GRID2: variants seen among roughly 807,000 people sequenced by gnomAD.
The protein encoded by GRID2 is glutamate receptor ionotropic, delta-2.
In GRID2, 33 loss-of-function variants were observed where a neutral mutation model predicts 114.8. The ratio of observed to expected loss-of-function variants is 0.29; its 90% CI spans 0.22 to 0.38. GRID2 has a LOEUF of 0.38. Ranked by LOEUF, GRID2 falls within the 10% of genes least tolerant of loss-of-function variation. The pLI is 1.00. For synonymous variants in GRID2, 505 were observed against 449.9 expected (o/e 1.12, Z -1.55); for missense variants, 1,184 against 1,257.7 (o/e 0.94, Z 0.89).
At chr4:92,710,966 A>C (rs1735216886) in intron 2 of GRID2, among the ~76,000 whole-genome samples, 1 of 152,030 alleles carries the variant, frequency 6.6e-6, no homozygotes, top group African/African-American at 2.4e-5. Context: ...AAGGATAAAG[A>C]ATAAACCTTA....
At chr4:92,407,832 A>T (rs1038420696) in intron 1 of GRID2, among the ~76,000 whole-genome samples, 4 of 152,122 alleles carry the variant, frequency 2.6e-5, no homozygotes, top group Admixed American at 2.6e-4. Context: ...TCTGGGTGTT[A>T]GATCTTTGTC....
chr4:93,520,742 C>G (rs1730250239), intron 13 of GRID2, among the ~76,000 whole-genome samples: 1 of 152,138 alleles, frequency 6.6e-6, no homozygotes, highest in African/African-American at 2.4e-5. Flanking sequence ...CTAAATTTCT[C>G]ACATTCCTCC....
At chr4:93,573,419 G>A (rs2149583459) in intron 13 of GRID2, among the ~76,000 whole-genome samples, 3 of 152,274 alleles carry the variant, frequency 2.0e-5, no homozygotes, top group South Asian at 4.1e-4. Context: ...ACTGAAATTG[G>A]TCTAATGCAA....
In GRID2 at chr4:93,592,859, A is replaced by T. The variant is rs575089832; in HGVS notation, c.2194-33410A>T. ...TCTTTGTTGGCTTAAAGTCTGTTTC[A>T]TCAGAGACTAGGATTGCAACCCCTG... On this transcript the variant is annotated intron_variant, in intron 13 of 15. Transcript: ENST00000282020. Among the ~76,000 whole-genome samples the T allele has an allele frequency of 1.7e-4, 26 of 152,208 alleles. 1 individual carries two copies. Among genetic ancestry groups the T allele is most frequent in the Admixed American group, 8.5e-4 (13 of 15,288 alleles).
At chr4:93,674,879 A>T (rs543508766) in intron 14 of GRID2, among the ~76,000 whole-genome samples, 1 of 152,102 alleles carries the variant, frequency 6.6e-6, no homozygotes, top group East Asian at 1.9e-4. Flanking sequence ...CTCCCCAAAG[A>T]TTCTCAAAAA....
At chr4:92,634,877 G>A (rs76627802) in intron 2 of GRID2, among the ~76,000 whole-genome samples, 5,630 of 120,774 alleles carry the variant, frequency 0.047, 304 homozygotes, top group African/African-American at 0.14. Flanking sequence ...GAGAGAGAGA[G>A]AAAGAGAGAG....
intron 1 of GRID2, among the ~76,000 whole-genome samples, chr4:92,540,339 T>G (rs1338615240): frequency 1.3e-5 from 2 of 152,062 alleles, no homozygotes; most frequent in Non-Finnish European, 2.9e-5. Context: ...CAAAAGAAAC[T>G]ACCATCAGAG....
At chr4:93,323,970 A>T (rs1042560915) in intron 8 of GRID2, among the ~76,000 whole-genome samples, 52 of 152,136 alleles carry the variant, frequency 3.4e-4, no homozygotes, top group Admixed American at 5.2e-4. Flanking sequence ...GGTTTTCTAA[A>T]TGTACAATCA....
intron 14 of GRID2, among the ~76,000 whole-genome samples, chr4:93,759,958 C>A (rs1733068190): frequency 6.6e-6 from 1 of 152,122 alleles, no homozygotes; most frequent in African/African-American, 2.4e-5. Context: ...AGCACAGAAG[C>A]CAGAAGACCT....
intron 2 of GRID2, among the ~76,000 whole-genome samples, chr4:92,942,216 A>C (rs1448576877): frequency 2.6e-5 from 4 of 152,152 alleles, no homozygotes; most frequent in Non-Finnish European, 5.9e-5. Flanking sequence ...GTCTCTTTGT[A>C]GGTCACTAAG....
intron 14 of GRID2, among the ~76,000 whole-genome samples, chr4:93,658,057 A>G (rs1284377021): frequency 6.6e-6 from 1 of 152,236 alleles, no homozygotes; most frequent in Non-Finnish European, 1.5e-5. Context: ...ACCTTCTTCC[A>G]ACAACAGTGA....
chr4:93,370,467 G>A (rs1416773113), intron 8 of GRID2, among the ~76,000 whole-genome samples: 3 of 136,842 alleles, frequency 2.2e-5, no homozygotes, highest in Admixed American at 7.2e-5. Flanking sequence ...ACACAAACAC[G>A]CACACAGAGA....
intron 1 of GRID2, among the ~76,000 whole-genome samples, chr4:92,479,994 G>T (rs1722503187): frequency 6.6e-6 from 1 of 151,976 alleles, no homozygotes; most frequent in Admixed American, 6.6e-5. Context: ...GTAATTACTA[G>T]CTTAAAATTG....
chr4:93,803,680 C>T (rs1734978654), intron 1 of GRID2, among the ~76,000 whole-genome samples: 1 of 152,008 alleles, frequency 6.6e-6, no homozygotes, highest in South Asian at 2.1e-4. Flanking sequence ...CGAGATTGCC[C>T]CAACGCACAC....
intron 14 of GRID2, among the ~76,000 whole-genome samples, chr4:93,734,842 A>G (rs1366565365): frequency 6.6e-6 from 1 of 152,080 alleles, no homozygotes; most frequent in Non-Finnish European, 1.5e-5. Context: ...CCTGGCACAC[A>G]AACTTTCATC....
intron 1 of GRID2, among the ~76,000 whole-genome samples, chr4:93,788,680 A>G (rs1448673077): frequency 6.6e-6 from 1 of 152,224 alleles, no homozygotes; most frequent in Non-Finnish European, 1.5e-5. Flanking sequence ...TATGATCTAA[A>G]GGACGTTCAA....
chr4:92,541,952 T>G (rs1042285731), intron 1 of GRID2, among the ~76,000 whole-genome samples: 1 of 152,138 alleles, frequency 6.6e-6, no homozygotes, highest in African/African-American at 2.4e-5. Flanking sequence ...AAATTATGAT[T>G]TTTAGAATAT....
At chr4:92,896,190 T>C (rs1460909888) in intron 2 of GRID2, among the ~76,000 whole-genome samples, 2 of 152,170 alleles carry the variant, frequency 1.3e-5, no homozygotes, top group South Asian at 4.1e-4. Flanking sequence ...AAAACAAATA[T>C]GTTCTGATTT....
At chr4:93,428,469 A>G (rs1178311616) in intron 10 of GRID2, among the ~76,000 whole-genome samples, 1 of 152,136 alleles carries the variant, frequency 6.6e-6, no homozygotes, top group Admixed American at 6.5e-5. Flanking sequence ...TAATTGAATC[A>G]TGACTCAATT....
Sources: allele counts gnomAD v4.1 joint callset (sites outside exome capture counted in the v4.1 genomes callset), GRCh38; gene constraint gnomAD v4.1.1; transcripts MANE v1.5; gene names NCBI Gene and HGNC (gene_info 2026-07-23, HGNC 2026-07-21).